ALG13: variants seen among roughly 807,000 people sequenced by gnomAD.
ALG13 encodes ALG13 UDP-N-acetylglucosaminyltransferase subunit, also known as UDP-N-acetylglucosamine transferase subunit ALG13.
In ALG13, 11 loss-of-function variants were observed where a neutral mutation model predicts 87.8. The ratio of observed to expected loss-of-function variants is 0.13; its 90% CI spans 0.08 to 0.21. The LOEUF (loss-of-function observed/expected upper bound fraction) is 0.21, where lower values mean the gene tolerates loss of function less well. Ranked by LOEUF, ALG13 falls within the 10% of genes least tolerant of loss-of-function variation. ALG13 has a pLI of 1.00. For missense variants in ALG13, 756 were observed against 866.1 expected (o/e 0.87, Z 1.60); for synonymous variants, 320 against 306.3 (o/e 1.04, Z -0.47).
intron 23 of ALG13, among the ~76,000 whole-genome samples, chrX:111,743,008 T>G (rs367570164): frequency 5.4e-5 from 6 of 112,050 alleles, no homozygotes; most frequent in East Asian, 2.8e-4. Flanking sequence ...TAAAAGCTTT[T>G]ACTTAGAGGG....
At chrX:111,753,127 G>T in intron 25 of ALG13, 1 of 186,855 alleles carries the variant, frequency 5.4e-6, no homozygotes, top group Non-Finnish European at 9.9e-6. Flanking sequence ...ACTTTTCACT[G>T]TGGTGTTCTG....
At chrX:111,715,527 G>A (rs931241819) in intron 8 of ALG13, among the ~76,000 whole-genome samples, 1 of 111,144 alleles carries the variant, frequency 9.0e-6, no homozygotes, top group Non-Finnish European at 1.9e-5. Flanking sequence ...AGACCAGCCC[G>A]GCCAATATGG....
chrX:111,721,745 T>C, intron 12 of ALG13, 34 bp downstream of exon 12: 2 of 1,008,488 alleles, frequency 2.0e-6, no homozygotes, highest in South Asian at 2.1e-5. Context: ...TTTTGAATCC[T>C]GACAAATCCA....
chrX:111,690,119 A>C, intron 3 of ALG13: 1 of 751,590 alleles, frequency 1.3e-6, no homozygotes, highest in Middle Eastern at 7.6e-4. Context: ...AACATGCTAA[A>C]TTAATCACCA....
chrX:111,689,546 A>G (rs1321505689), intron 3 of ALG13: 2 of 752,205 alleles, frequency 2.7e-6, no homozygotes, highest in South Asian at 6.8e-5. Context: ...GTTGTTGTCA[A>G]TTGTGTGCAG....
At chrX:111,758,275 ATTAAG>A (rs1240247694) in intron 26 of ALG13, among the ~76,000 whole-genome samples, 1 of 112,160 alleles carries the variant, frequency 8.9e-6, no homozygotes, top group Non-Finnish European at 1.9e-5. Flanking sequence ...GACTTGTGCT[ATTAAG>A]TTATGAGTTG....
chrX:111,711,573 T>A (rs1216527980), intron 5 of ALG13, 102 bp from the exon 6 acceptor site: 2 of 729,246 alleles, frequency 2.7e-6, no homozygotes, highest in Non-Finnish European at 2.0e-6. Flanking sequence ...ACACCATAAT[T>A]GTTGAGCTGA....
chrX:111,744,455 C>A (rs1254314235), intron 23 of ALG13, among the ~76,000 whole-genome samples: 2 of 111,258 alleles, frequency 1.8e-5, no homozygotes, highest in Non-Finnish European at 3.8e-5. Context: ...ATTTCCAATA[C>A]TTTTCTTAAA....
At chrX:111,692,290 A>G (rs1936274168) in intron 3 of ALG13, among the ~76,000 whole-genome samples, 1 of 111,984 alleles carries the variant, frequency 8.9e-6, no homozygotes, top group South Asian at 3.7e-4. Context: ...TTTAATATAA[A>G]TGCATAATGA....
chrX:111,684,900 T>G (rs1233880796), intron 2 of ALG13, 65 bp from the exon 3 acceptor site: 22 of 1,078,959 alleles, frequency 2.0e-5, no homozygotes, highest in Non-Finnish European at 1.2e-5. Context: ...TTTCTAGCTA[T>G]AAAGCTTCGT....
At chrX:111,706,794 A>G (rs1476907957) in intron 3 of ALG13, 1 of 110,798 alleles carries the variant, frequency 9.0e-6, no homozygotes, top group African/African-American at 3.3e-5. Flanking sequence ...GTAATTTCAA[A>G]TTGGCATGCA....
chrX:111,686,700 A>T (rs1410193145), intron 3 of ALG13, among the ~76,000 whole-genome samples: 3 of 112,190 alleles, frequency 2.7e-5, no homozygotes, highest in Middle Eastern at 4.6e-3. Context: ...TTTTTTCCAG[A>T]TACTTTTAAT....
Position 111,683,205 on chromosome X carries a change from G to A in ALG13, c.244+911G>A, listed in dbSNP as rs1369024664. Among the ~76,000 whole-genome samples the A allele has an allele frequency of 3.6e-5, 4 of 110,878 alleles. No homozygotes were observed. In the South Asian group the frequency reaches 1.5e-3, roughly 42 times the overall value. On this transcript the variant is annotated intron_variant, in intron 2 of 26. Coordinates refer to ENST00000394780, the MANE Select transcript of ALG13 (RefSeq NM_001099922.3). The stretch of plus-strand genomic sequence containing the variant: ...CTGTTAGTATCTCCATTTTACACAT[G>A]AGGAAACTGAGACACAAGAGTGGTT...
chrX:111,693,210 G>T (rs1936440769), intron 3 of ALG13, among the ~76,000 whole-genome samples: 1 of 85,336 alleles, frequency 1.2e-5, no homozygotes, highest in Admixed American at 1.5e-4. Context: ...ACAAAAGGTA[G>T]ACAAATCTGG....
intron 10 of ALG13, 114 bp downstream of exon 10, chrX:111,718,388 A>G (rs1050586449): frequency 3.1e-5 from 18 of 589,807 alleles, no homozygotes; most frequent in Non-Finnish European, 4.6e-5. Context: ...ATTCACACGT[A>G]CACATATGTT....
At chrX:111,708,462 T>G in intron 4 of ALG13, 69 bp downstream of exon 4, 1 of 1,121,405 alleles carries the variant, frequency 8.9e-7, no homozygotes, top group South Asian at 2.2e-5. Flanking sequence ...TCCTGTAGTT[T>G]GCCAGAAGAA....
At chrX:111,713,145 G>A in intron 7 of ALG13, 80 bp from the exon 8 acceptor site, 1 of 616,978 alleles carries the variant, frequency 1.6e-6, no homozygotes, top group Non-Finnish European at 2.6e-6. Flanking sequence ...CAACTTAAAA[G>A]CACAAATAGT....
intron 22 of ALG13, among the ~76,000 whole-genome samples, chrX:111,735,917 T>A (rs1943192076): frequency 9.1e-6 from 1 of 110,340 alleles, no homozygotes; most frequent in Admixed American, 9.6e-5. Flanking sequence ...AAAAATAGTT[T>A]ATTCTCTTAA....
At chrX:111,721,099 T>G (rs1289540318) in intron 11 of ALG13, among the ~76,000 whole-genome samples, 3 of 89,355 alleles carry the variant, frequency 3.4e-5, no homozygotes, top group African/African-American at 1.2e-4. Flanking sequence ...TTCTTCCTTC[T>G]TCATAGAAGG....
Sources: gnomAD v4.1 joint callset for allele counts (sites outside exome capture counted in the v4.1 genomes callset) on GRCh38, gnomAD v4.1.1 for gene constraint, MANE v1.5 for transcripts, NCBI Gene and HGNC (gene_info 2026-07-23, HGNC 2026-07-21) for gene names.